LHFPL3: variants seen among roughly 807,000 people sequenced by gnomAD.
The protein encoded by LHFPL3 is LHFPL tetraspan subfamily member 3.
A neutral mutation model predicts 19.3 loss-of-function variants in LHFPL3; 5 were observed. The observed-to-expected ratio is 0.26, with a 90% CI of 0.14 to 0.54. The LOEUF is 0.54. Among genes scored for constraint, LHFPL3 ranks in the 20% least tolerant of loss-of-function variants. LHFPL3 has a pLI of 0.94. For missense variants in LHFPL3, 249 were observed against 307.4 expected (o/e 0.81, Z 1.42); for synonymous variants, 133 against 126.2 (o/e 1.05, Z -0.36).
intron 1 of LHFPL3, among the ~76,000 whole-genome samples, chr7:104,631,567 A>G (rs1198152666): frequency 6.6e-6 from 1 of 152,236 alleles, no homozygotes; most frequent in Non-Finnish European, 1.5e-5. Context: ...TAAGTAAACT[A>G]TGAGCCCACA....
intron 1 of LHFPL3, among the ~76,000 whole-genome samples, chr7:104,672,817 G>A (rs376277072): frequency 3.3e-5 from 5 of 151,916 alleles, no homozygotes; most frequent in Middle Eastern, 3.4e-3. Flanking sequence ...TTCCACCCCC[G>A]CCATTTTGGT....
intron 1 of LHFPL3, among the ~76,000 whole-genome samples, chr7:104,467,168 T>C (rs1792805145): frequency 6.6e-6 from 1 of 152,212 alleles, no homozygotes; most frequent in Non-Finnish European, 1.5e-5. Flanking sequence ...TCGAGTTTAT[T>C]GTTCTCTGGT....
chr7:104,831,896 A>C (rs903456800), intron 2 of LHFPL3, among the ~76,000 whole-genome samples: 8 of 151,976 alleles, frequency 5.3e-5, no homozygotes, highest in African/African-American at 1.9e-4. Flanking sequence ...TGGAGGGTTA[A>C]TAATACCTGC....
intron 1 of LHFPL3, among the ~76,000 whole-genome samples, chr7:104,424,114 T>TA (rs554094581): frequency 9.2e-5 from 14 of 151,892 alleles, no homozygotes; most frequent in Non-Finnish European, 1.8e-4. Context: ...TTCTCTCCCT[T>TA]AAAAAAAAGG....
At chr7:104,814,626 C>T (rs1375624226) in intron 2 of LHFPL3, among the ~76,000 whole-genome samples, 2 of 145,044 alleles carry the variant, frequency 1.4e-5, no homozygotes, top group Non-Finnish European at 2.9e-5. Context: ...TGTCTGCCTC[C>T]CTCTGCCTTT....
chr7:104,501,139 G>A (rs1462857425), intron 1 of LHFPL3, among the ~76,000 whole-genome samples: 2 of 152,120 alleles, frequency 1.3e-5, no homozygotes, highest in African/African-American at 4.8e-5. Flanking sequence ...ATTGAAGGAA[G>A]GAAAGAATAA....
chr7:104,539,650 G>A (rs1259457449), intron 1 of LHFPL3, among the ~76,000 whole-genome samples: 1 of 152,088 alleles, frequency 6.6e-6, no homozygotes, highest in Non-Finnish European at 1.5e-5. Context: ...CCCAAATGCT[G>A]GTCCATAATG....
intron 2 of LHFPL3, among the ~76,000 whole-genome samples, chr7:104,737,507 A>G (rs1396433949): frequency 6.6e-6 from 1 of 152,194 alleles, no homozygotes; most frequent in Admixed American, 6.5e-5. Context: ...TCCAAAAGAA[A>G]TTGCCTTCTG....
intron 1 of LHFPL3, among the ~76,000 whole-genome samples, chr7:104,710,424 T>C (rs921855959): frequency 1.3e-5 from 2 of 152,224 alleles, no homozygotes; most frequent in African/African-American, 4.8e-5. Context: ...AGATCATGTA[T>C]ATCAGTCTCA....
chr7:104,527,787 T>C (rs1219329294), intron 1 of LHFPL3, among the ~76,000 whole-genome samples: 1 of 152,172 alleles, frequency 6.6e-6, no homozygotes, highest in Non-Finnish European at 1.5e-5. Context: ...CAGGTATATG[T>C]CTGAATGAAT....
chr7:104,582,448 C>A (rs549875841), intron 1 of LHFPL3, among the ~76,000 whole-genome samples: 31 of 151,954 alleles, frequency 2.0e-4, no homozygotes, highest in African/African-American at 6.7e-4. Context: ...AATCTCTTTG[C>A]CTTTTATTTA....
chr7:104,350,238 A>G (rs1790146904), intron 1 of LHFPL3, among the ~76,000 whole-genome samples: 1 of 152,188 alleles, frequency 6.6e-6, no homozygotes, highest in Non-Finnish European at 1.5e-5. Context: ...GCCACACTTC[A>G]AATTCTCAAT....
At chr7:104,428,216 C>A (rs10243493) in intron 1 of LHFPL3, among the ~76,000 whole-genome samples, 15,853 of 152,150 alleles carry the variant, frequency 0.1, 903 homozygotes, top group African/African-American at 0.14. Context: ...CATATAACAT[C>A]TGGTAATGTG....
At chr7:104,680,593 G>A (rs925102350) in intron 1 of LHFPL3, among the ~76,000 whole-genome samples, 12 of 152,102 alleles carry the variant, frequency 7.9e-5, no homozygotes. Context: ...CCCCTTGTAG[G>A]ACCTAACACT....
chr7:104,365,489 TGAAAAGCCTCGGCCGGGC>T (rs1417597857), intron 1 of LHFPL3, among the ~76,000 whole-genome samples: 1 of 150,290 alleles, frequency 6.7e-6, no homozygotes, highest in African/African-American at 2.4e-5. Context: ...ATCAACAAGA[TGAAAAGCCTCGGCCGGGC>T]GCGGTGGCTC....
At chr7:104,683,237 G>A (rs1323953119) in intron 1 of LHFPL3, among the ~76,000 whole-genome samples, 3 of 152,264 alleles carry the variant, frequency 2.0e-5, no homozygotes, top group South Asian at 2.1e-4. Context: ...TGATCCACTC[G>A]TCTCAGCCTC....
intron 1 of LHFPL3, among the ~76,000 whole-genome samples, chr7:104,587,438 AG>A (rs1345216073): frequency 6.6e-6 from 1 of 152,168 alleles, no homozygotes; most frequent in African/African-American, 2.4e-5. Flanking sequence ...GTCCCTACAA[AG>A]GACATGAACT....
chr7:104,860,552 T>G (rs1401326773), intron 2 of LHFPL3, among the ~76,000 whole-genome samples: 2 of 152,198 alleles, frequency 1.3e-5, no homozygotes, highest in African/African-American at 2.4e-5. Flanking sequence ...CTACACCCAT[T>G]CCTTTCATAC....
intron 1 of LHFPL3, among the ~76,000 whole-genome samples, chr7:104,362,969 A>G (rs1451433609): frequency 2.0e-5 from 3 of 152,190 alleles, no homozygotes; most frequent in South Asian, 2.1e-4. Context: ...TCAAACACCA[A>G]TCTTAGGTTT....
Sources: allele counts gnomAD v4.1 joint callset (sites outside exome capture counted in the v4.1 genomes callset), GRCh38; gene constraint gnomAD v4.1.1; transcripts MANE v1.5; gene names NCBI Gene and HGNC (gene_info 2026-07-23, HGNC 2026-07-21).